LAIR1: variants seen among roughly 807,000 people sequenced by gnomAD.
LAIR1 encodes the protein leukocyte-associated immunoglobulin-like receptor 1.
A neutral mutation model predicts 32.8 loss-of-function variants in LAIR1; 24 were observed. That is an observed-to-expected ratio of 0.73 (90% CI 0.53 to 1.03). The LOEUF (loss-of-function observed/expected upper bound fraction) is 1.03, where lower values mean the gene tolerates loss of function less well. Among genes scored for constraint, LAIR1 ranks in the 50% least tolerant of loss-of-function variants. The probability of loss-of-function intolerance (pLI) is 0.00; values close to 1 mark genes in which losing one functional copy is unlikely to be tolerated. For missense variants in LAIR1, 355 were observed against 347.5 expected (o/e 1.02, Z -0.17); for synonymous variants, 150 against 140.5 (o/e 1.07, Z -0.48).
chr19:54,366,290 T>G (rs948076193), upstream of LAIR1, among the ~76,000 whole-genome samples: 1 of 152,098 alleles, frequency 6.6e-6, no homozygotes, highest in Non-Finnish European at 1.5e-5. Flanking sequence ...TGAAACTTCT[T>G]AGAGATGGAT....
upstream of LAIR1, among the ~76,000 whole-genome samples, chr19:54,366,710 G>A (rs891831258): frequency 1.3e-5 from 2 of 152,006 alleles, no homozygotes; most frequent in Non-Finnish European, 2.9e-5. Context: ...GGATGGTCTC[G>A]ATCTCCTGAC....
Position 54,360,932 on chromosome 19 carries a change from C to T in LAIR1, c.348G>A (p.Leu116=), listed in dbSNP as rs750001511. The T allele has an allele frequency of 6.2e-7, 1 of 1,612,982 alleles. No individual in the cohort carries two copies. Among genetic ancestry groups the T allele is most frequent in the Admixed American group, 1.7e-5 (1 of 60,008 alleles). The part of the protein sequence containing the change: ...PPKWSEQSDY[L]ELLVKESSGG... ...CGTCCTCACCTTTCACCAGCAGCTC[C>T]AGGTAGTCACTCTGCTCAGACCATT... is the stretch of plus-strand genomic sequence containing the variant. Residue 116 remains leucine, a synonymous_variant, in exon 3 of 10, where the codon CTG becomes CTA. Coordinates refer to ENST00000391742, the MANE Select transcript of LAIR1 (RefSeq NM_002287.6).
rs755323356 is a variant in LAIR1, at chr19:54,355,464, G to A, written c.718-50C>T. 9.3e-6 allele frequency: 14 copies of A among 1,510,756 alleles called. No homozygotes were observed. Among genetic ancestry groups the A allele is most frequent in the South Asian group, 9.0e-5 (7 of 77,932 alleles). 93.6% of individuals were successfully genotyped at this position (1,510,756 alleles called of 1,614,324 possible). On this transcript the variant is annotated intron_variant, in intron 9 of 9. Transcript: ENST00000391742. This position sits in a 1 kb window ranked among gnomAD's most constrained non-coding sequence, Gnocchi z 4.7. ...GGGAGTGCCTGGTGGAGGGTGAGAC[G>A]AGGGGCTGTGGGGAGGGAGGGCTGT...
intron 1 of LAIR1, among the ~76,000 whole-genome samples, chr19:54,369,948 C>G (rs2082365692): frequency 6.7e-6 from 1 of 149,538 alleles, no homozygotes; most frequent in South Asian, 2.1e-4. Flanking sequence ...CTGGGGAACT[C>G]AAGCTAAACC....
intron 4 of LAIR1, chr19:54,358,596 A>C: frequency 6.2e-7 from 1 of 1,607,572 alleles, no homozygotes; most frequent in Non-Finnish European, 8.5e-7. Context: ...GGTGCATCAA[A>C]TCCGGAGGCT....
upstream of LAIR1, among the ~76,000 whole-genome samples, chr19:54,367,326 G>T (rs1404990950): frequency 1.3e-5 from 2 of 152,138 alleles, no homozygotes; most frequent in South Asian, 2.1e-4. Flanking sequence ...TCCTCAAAGA[G>T]TTCTGCATGT....
rs374067736 is a variant in LAIR1 at position 54,364,752 on chromosome 19, G to A, written c.34+19C>T. 1.9e-5 allele frequency: 30 copies of A among 1,607,236 alleles called. No individual in the cohort carries two copies. Among genetic ancestry groups the A allele is most frequent in the African/African-American group, 2.7e-5 (2 of 74,864 alleles). ...CTCCCGACCCCCTTTCCAGCCTCCC[G>A]GCTGCCTCCAGGACTCACCTAGGCC... On this transcript the variant is annotated intron_variant, in intron 1 of 9. Transcript: ENST00000391742. The surrounding 1 kb of genome is among the most constrained non-coding windows in gnomAD (Gnocchi z 4.8).
rs200218727 is a variant in LAIR1 at position 54,355,339 on chromosome 19, G to A, written c.793C>T (p.Arg265Trp). The A allele has an allele frequency of 1.2e-4, 189 of 1,613,198 alleles. 1 individual carries two copies. The highest frequency in any genetic ancestry group is 6.6e-4 in the Middle Eastern group (4 of 6,056). Residue 265 changes from arginine (R) to tryptophan (W), a missense_variant, in exon 10 of 10, where the codon CGG (arginine) becomes TGG (tryptophan). Transcript: ENST00000391742. The surrounding 1 kb of genome is among the most constrained non-coding windows in gnomAD (Gnocchi z 4.7). ...DHWALTQRTARAVSPQSTKPM... is the reference protein window; with the variant it reads ...DHWALTQRTAWAVSPQSTKPM... The stretch of plus-strand genomic sequence containing the variant: ...TTTGTGGACTGTGGGGACACAGCCC[G>A]GGCTGTCCTCTGTGTGAGGGCCCAG...
intron 8 of LAIR1, 66 bp from the exon 9 acceptor site, chr19:54,356,072 C>T: frequency 1.5e-6 from 2 of 1,368,378 alleles, no homozygotes; most frequent in Non-Finnish European, 2.1e-6. Context: ...GCCTGAGACC[C>T]CCACCCCCAG....
Position 54,356,389 on chromosome 19 carries a change from C to G in LAIR1, c.593G>C (p.Arg198Thr). ...RQNQIKQGPP[R>T]SKDEEQKPQQ... is the part of the protein sequence containing the mutation. ...TGGCTTCTGCTCCTCGTCCTTGCTT[C>G]TGGGGGGCCCTAAGGACAGTCGGGG... The change falls in exon 7 of 10, where the codon AGA becomes ACA. Residue 198 changes from arginine (R) to threonine (T), a missense_variant. Arg to Thr is a moderately conservative substitution (Grantham distance 71). Transcript: ENST00000391742. The G allele has an allele frequency of 6.3e-7, 1 of 1,592,626 alleles. No homozygotes were observed. The highest frequency in any genetic ancestry group is 8.5e-7 in the Non-Finnish European group (1 of 1,169,702).
intron 5 of LAIR1, 75 bp downstream of exon 5, chr19:54,356,853 C>T: frequency 6.4e-7 from 1 of 1,566,484 alleles, no homozygotes; most frequent in Non-Finnish European, 8.7e-7. Flanking sequence ...ATCTGATCAA[C>T]CCCAAAGCCT....
At chr19:54,356,070 C>A in intron 8 of LAIR1, 64 bp from the exon 9 acceptor site, 3 of 1,346,954 alleles carry the variant, frequency 2.2e-6, no homozygotes, top group South Asian at 1.2e-5. Flanking sequence ...CTGCCTGAGA[C>A]CCCCACCCCC....
upstream of LAIR1, among the ~76,000 whole-genome samples, chr19:54,373,409 A>G (rs535058119): frequency 0.012 from 1,819 of 151,872 alleles, 22 homozygotes; most frequent in Non-Finnish European, 0.018. Flanking sequence ...GCGCCACTGC[A>G]CTCCAGCCAG....
the LAIR1 span, among the ~76,000 whole-genome samples, chr19:54,375,930 A>C: frequency 1.3e-5 from 2 of 151,722 alleles, no homozygotes; most frequent in Non-Finnish European, 2.9e-5. Context: ...TGGAAGGCTC[A>C]CTTCTCACTG....
chr19:54,375,947 A>T, the LAIR1 span, among the ~76,000 whole-genome samples: 2 of 151,776 alleles, frequency 1.3e-5, no homozygotes, highest in African/African-American at 4.9e-5. Flanking sequence ...ACTGGGTGAC[A>T]CGTCCATATG....
chr19:54,360,680 G>C (rs2081968435), intron 3 of LAIR1: 1 of 563,556 alleles, frequency 1.8e-6, no homozygotes, highest in African/African-American at 1.9e-5. Flanking sequence ...CCAGATGCTG[G>C]AGCTGAGTGT....
At position 54,360,958 on chromosome 19, in the gene LAIR1, T is replaced by G. The variant is rs772054250; in HGVS notation, c.322A>C (p.Lys108Gln). Residue 108 changes from lysine (K) to glutamine (Q), a missense_variant, in exon 3 of 10, where the codon AAA (lysine) becomes CAA (glutamine). Transcript: ENST00000391742. ...LYRCIYYKPP[K>Q]WSEQSDYLEL... Reference sequence around the variant, plus strand: ...AGGTAGTCACTCTGCTCAGACCATTTAGGGGGCTTATAATAGATGCAGCGA... The same window carrying G: ...AGGTAGTCACTCTGCTCAGACCATTGAGGGGGCTTATAATAGATGCAGCGA... 3 of 1,613,802 alleles carry G rather than the reference T, an allele frequency of 1.9e-6. No individual in the cohort carries two copies. Among genetic ancestry groups the G allele is most frequent in the South Asian group, 1.1e-5 (1 of 91,074 alleles).
upstream of LAIR1, among the ~76,000 whole-genome samples, chr19:54,367,000 G>A (rs1027427749): frequency 6.6e-6 from 1 of 152,208 alleles, no homozygotes; most frequent in Non-Finnish European, 1.5e-5. Context: ...AGGCTGCTGG[G>A]CAACGACTTG....
At chr19:54,375,387 G>A (rs557998913), upstream of LAIR1, among the ~76,000 whole-genome samples, 5 of 152,304 alleles carry the variant, frequency 3.3e-5, no homozygotes, top group East Asian at 1.9e-4. Flanking sequence ...GATGCGGTGC[G>A]CAGAGACTCA....
Sources: gnomAD v4.1 joint callset for allele counts (sites outside exome capture counted in the v4.1 genomes callset) on GRCh38, gnomAD v4.1.1 for gene constraint, Gnocchi (gnomAD v3.1) non-coding constraint, MANE v1.5 for transcripts, NCBI Gene and HGNC (gene_info 2026-07-23, HGNC 2026-07-21) for gene names.